CAMK2D: variants seen among roughly 807,000 people sequenced by gnomAD.
CAMK2D encodes the protein calcium/calmodulin dependent protein kinase II delta.
Under a neutral mutation model 84.0 loss-of-function variants are expected in CAMK2D, and 37 were observed. The observed-to-expected ratio is 0.44, with a 90% confidence interval of 0.34 to 0.58. The LOEUF (loss-of-function observed/expected upper bound fraction) is 0.58. CAMK2D is among the 20% of genes least tolerant of loss of function. CAMK2D has a pLI of 0.02. For synonymous variants in CAMK2D, 202 were observed against 212.5 expected (o/e 0.95, Z 0.43); for missense variants, 448 against 652.5 (o/e 0.69, Z 3.41).
Position 113,470,781 on chromosome 4 carries a change from G to T in CAMK2D, c.1136-5177C>A, listed in dbSNP as rs117293209. Among the ~76,000 whole-genome samples the T allele has an allele frequency of 6.6e-5, 10 of 152,214 alleles. No homozygotes were observed. The East Asian group carries it at 1.9e-3, about 29-fold the overall frequency. On this transcript the variant is annotated intron_variant, in intron 16 of 20. Transcript: ENST00000511664. The stretch of plus-strand genomic sequence containing the variant: ...TTTACATATTTATTTGCATGTAACC[G>T]ATTAATCAGTTTTCTCTATTACTCT...
intron 3 of CAMK2D, among the ~76,000 whole-genome samples, chr4:113,653,435 G>A (rs1381734342): frequency 6.6e-6 from 1 of 151,848 alleles, no homozygotes; most frequent in Non-Finnish European, 1.5e-5. Flanking sequence ...TAATCTGTTA[G>A]AGAGTCACTA....
chr4:113,724,570 CA>C (rs1191216260), intron 2 of CAMK2D, among the ~76,000 whole-genome samples: 1 of 149,404 alleles, frequency 6.7e-6, no homozygotes. Flanking sequence ...AAGTAGAAAA[CA>C]AAAAAAAAGC....
chr4:113,736,570 A>G (rs984214366), intron 2 of CAMK2D, among the ~76,000 whole-genome samples: 5 of 152,168 alleles, frequency 3.3e-5, no homozygotes. Flanking sequence ...CTAAATTATT[A>G]CTCATAAAAG....
chr4:113,642,962 T>C (rs1592372996), intron 3 of CAMK2D, among the ~76,000 whole-genome samples: 1 of 152,050 alleles, frequency 6.6e-6, no homozygotes, highest in African/African-American at 2.4e-5. Context: ...ATCTATAAAA[T>C]AAAAGAAAGA....
At position 113,453,170 on chromosome 4, in the gene CAMK2D, A is replaced by G. The variant is rs2097269612; in HGVS notation, c.*1375T>C. ...CTAGGACATTTCCCTTTTTGTTTTA[A>G]ACTGGGAAATTCTAACTCCTTGGAG... On this transcript the variant is annotated 3_prime_UTR_variant, in exon 21 of 21. Coordinates refer to ENST00000511664, the MANE Select transcript of CAMK2D (RefSeq NM_001321571.2). 1 of 152,162 alleles carries G rather than the reference A, an allele frequency of 6.6e-6. No homozygotes were observed. The highest frequency in any genetic ancestry group is 6.5e-5 in the Admixed American group (1 of 15,272). The allele number at this position is 152,162 out of a possible 1,614,324, so 9.4% of individuals were successfully genotyped here. A position where few individuals can be genotyped will look rare whatever the true frequency, so the allele number is the denominator to read the frequency against.
chr4:113,646,390 T>C (rs2099152234), intron 3 of CAMK2D, among the ~76,000 whole-genome samples: 1 of 152,018 alleles, frequency 6.6e-6, no homozygotes, highest in African/African-American at 2.4e-5. Flanking sequence ...TAGAAAACAA[T>C]CAAATCAACA....
At chr4:113,713,284 A>G (rs2099499905) in intron 2 of CAMK2D, among the ~76,000 whole-genome samples, 1 of 151,672 alleles carries the variant, frequency 6.6e-6, no homozygotes, top group Non-Finnish European at 1.5e-5. Flanking sequence ...AAAATTGTCA[A>G]TTTTTCTAGG....
At chr4:113,564,865 G>A (rs1325188447) in intron 4 of CAMK2D, among the ~76,000 whole-genome samples, 2 of 152,056 alleles carry the variant, frequency 1.3e-5, no homozygotes, top group Non-Finnish European at 2.9e-5. Context: ...TATTAGATGA[G>A]GAATATGATG....
At chr4:113,610,662 C>T (rs1380991113) in intron 3 of CAMK2D, among the ~76,000 whole-genome samples, 3 of 152,036 alleles carry the variant, frequency 2.0e-5, no homozygotes, top group Non-Finnish European at 4.4e-5. Flanking sequence ...GAGGAGGAGG[C>T]CTATACTGTA....
intron 14 of CAMK2D, 142 bp from the exon 15 acceptor site, chr4:113,503,119 G>A: frequency 1.3e-6 from 1 of 746,974 alleles, no homozygotes; most frequent in South Asian, 1.4e-5. Context: ...TGTCAGAGTT[G>A]CAGCTGACAA....
At chr4:113,605,112 T>C (rs1333971430) in intron 4 of CAMK2D, among the ~76,000 whole-genome samples, 1 of 152,228 alleles carries the variant, frequency 6.6e-6, no homozygotes, top group Non-Finnish European at 1.5e-5. Context: ...AGATGCTCTC[T>C]TTCCCCAACA....
At chr4:113,588,292 G>T (rs2098843280) in intron 4 of CAMK2D, among the ~76,000 whole-genome samples, 1 of 152,056 alleles carries the variant, frequency 6.6e-6, no homozygotes, top group Non-Finnish European at 1.5e-5. Context: ...GTAGCCAAAT[G>T]TTTCTAAGAA....
chr4:113,685,239 CT>C (rs568703311), intron 2 of CAMK2D, among the ~76,000 whole-genome samples: 38,968 of 137,484 alleles, frequency 0.28, 5,428 homozygotes, highest in East Asian at 0.41. Flanking sequence ...TTTCAGACTT[CT>C]TTTTTTTTTT....
intron 17 of CAMK2D, among the ~76,000 whole-genome samples, chr4:113,462,250 G>T (rs1177565036): frequency 6.7e-6 from 1 of 150,108 alleles, no homozygotes; most frequent in Non-Finnish European, 1.5e-5. Flanking sequence ...ATGAAAAAGA[G>T]TCAGTATATT....
chr4:113,730,432 A>G (rs1303188314), intron 2 of CAMK2D, among the ~76,000 whole-genome samples: 2 of 152,218 alleles, frequency 1.3e-5, no homozygotes, highest in Non-Finnish European at 2.9e-5. Context: ...CCTGTATTTT[A>G]GAGATATTTT....
At chr4:113,517,156 G>A (rs1379742748) in intron 9 of CAMK2D, among the ~76,000 whole-genome samples, 1 of 151,870 alleles carries the variant, frequency 6.6e-6, no homozygotes, top group Non-Finnish European at 1.5e-5. Flanking sequence ...GTGGGATAAT[G>A]TTCTATTTGA....
chr4:113,667,294 T>C (rs2099261426), intron 2 of CAMK2D, among the ~76,000 whole-genome samples: 1 of 152,202 alleles, frequency 6.6e-6, no homozygotes, highest in Non-Finnish European at 1.5e-5. Context: ...TAAATGTTTG[T>C]TGACTGAATA....
At chr4:113,523,583 G>C (rs1330473727) in intron 8 of CAMK2D, among the ~76,000 whole-genome samples, 2 of 151,840 alleles carry the variant, frequency 1.3e-5, no homozygotes, top group African/African-American at 4.8e-5. Context: ...GACCAGCCTG[G>C]GCAACATGGC....
chr4:113,640,809 T>C (rs1256805690), intron 3 of CAMK2D, among the ~76,000 whole-genome samples: 2 of 152,208 alleles, frequency 1.3e-5, no homozygotes, highest in Admixed American at 6.5e-5. Context: ...ATTACTTACA[T>C]AGCTAATTGT....
Sources: gnomAD v4.1 joint callset for allele counts (sites outside exome capture counted in the v4.1 genomes callset) on GRCh38, gnomAD v4.1.1 for gene constraint, MANE v1.5 for transcripts, NCBI Gene and HGNC (gene_info 2026-07-23, HGNC 2026-07-21) for gene names.